Variants in HMCN2 observed in about 807,000 individuals in gnomAD.
HMCN2 encodes hemicentin 2.
In HMCN2, 325 loss-of-function variants were observed where a neutral mutation model predicts 377.5. The ratio of observed to expected loss-of-function variants is 0.86; its 90% CI spans 0.79 to 0.94. The LOEUF (loss-of-function observed/expected upper bound fraction) is 0.94, where lower values mean the gene tolerates loss of function less well. Ranked by LOEUF, HMCN2 falls within the 40% of genes least tolerant of loss-of-function variation. The probability of loss-of-function intolerance (pLI) is 0.00; values close to 1 mark genes in which losing one functional copy is unlikely to be tolerated. For missense variants in HMCN2, 4,543 were observed against 4,725.3 expected, an observed-to-expected ratio of 0.96 and a Z score of 1.13; for synonymous variants, 2,007 against 2,046.8, an observed-to-expected ratio of 0.98 and a Z score of 0.53.
intron 36 of HMCN2, 90 bp downstream of exon 36, chr9:130,358,576 G>A: frequency 8.2e-7 from 1 of 1,212,904 alleles, no homozygotes; most frequent in South Asian, 1.3e-5. Context: ...GCGAGGGAGG[G>A]GGAGGAGGTT....
chr9:130,411,882 A>ACAG (rs55636607), intron 85 of HMCN2, among the ~76,000 whole-genome samples: 30 of 29,454 alleles, frequency 1.0e-3, no homozygotes, highest in Non-Finnish European at 2.7e-3. Context: ...TGGAGATTGT[A>ACAG]CAATGTCAAA....
chr9:130,415,625 C>A (rs1331079043), intron 85 of HMCN2, among the ~76,000 whole-genome samples: 1 of 152,250 alleles, frequency 6.6e-6, no homozygotes, highest in Non-Finnish European at 1.5e-5. Flanking sequence ...AAAATCTCAG[C>A]AAAACGTGGC....
chr9:130,309,878 A>ACACC, intron 14 of HMCN2, 34 bp from the exon 15 acceptor site: 1 of 444,910 alleles, frequency 2.2e-6, no homozygotes, highest in South Asian at 1.7e-5. Flanking sequence ...GGTACCAGGG[A>ACACC]CACCGGCCTG....
In HMCN2 at chr9:130,395,952, G is replaced by A. The variant is rs552539752; in HGVS notation, c.10940G>A (p.Arg3647Gln). Residue 3647 changes from arginine (R) to glutamine (Q), a missense_variant, in exon 72 of 98, where the codon CGG becomes CAG. By Grantham distance (43) the Arg-to-Gln change is conservative. Coordinates refer to ENST00000683500, the MANE Select transcript of HMCN2 (RefSeq NM_001291815.2). ...GACGCCCACACACAATTCCCGGAGCGGGGCAGGTTCCTCCAGCTGCAGGCC... is the reference window on the plus strand; with the variant it reads ...GACGCCCACACACAATTCCCGGAGCAGGGCAGGTTCCTCCAGCTGCAGGCC... ...QEDAHTQFPERGRFLQLQALS... is the reference protein window; with the variant it reads ...QEDAHTQFPEQGRFLQLQALS... The A allele has an allele frequency of 7.8e-6, 10 of 1,287,532 alleles. No homozygotes were observed. The highest frequency in any genetic ancestry group is 6.9e-5 in the Admixed American group (3 of 43,544). 79.8% of individuals were successfully genotyped at this position (1,287,532 alleles called of 1,614,324 possible).
rs1342454600 is a variant in HMCN2, at chr9:130,433,429, G to GGGCGTGCGCGCCCACCAC, written c.14978_14995dup (p.Gly4993_His4998dup). On this transcript the variant is annotated inframe_insertion, in exon 98 of 98. Coordinates refer to ENST00000683500, the MANE Select transcript of HMCN2 (RefSeq NM_001291815.2). ...AGTACCGGCTGCTGCCGCTGCCCCT[G>GGGCGTGCGCGCCCACCAC]GGCGTGCGCGCCCACCACGACGTGG... 1.3e-6 allele frequency: 2 copies of GGGCGTGCGCGCCCACCAC among 1,493,534 alleles called. No homozygotes were observed. The highest frequency in any genetic ancestry group is 2.9e-5 in the African/African-American group (2 of 68,540). 92.5% of individuals were successfully genotyped at this position (1,493,534 alleles called of 1,614,324 possible).
In HMCN2 at chr9:130,413,740, T is replaced by G. The variant is rs1564871963; in HGVS notation, c.12961+3088T>G. Among the ~76,000 whole-genome samples the G allele has an allele frequency of 2.0e-5, 3 of 151,978 alleles. 1 individual carries two copies. The highest frequency in any genetic ancestry group is 7.3e-5 in the African/African-American group (3 of 41,360). On this transcript the variant is annotated intron_variant, in intron 85 of 97. Transcript: ENST00000683500. ...GGGCTCAGACACACGCATGTGCACG[T>G]GCGCACACACACGCACACACACACA...
chr9:130,347,285 G>A lies in HMCN2; in HGVS notation c.3949G>A (p.Asp1317Asn), dbSNP rs1477316845. Residue 1317 changes from aspartate to asparagine, a missense_variant, in exon 26 of 98, where the codon GAT becomes AAT. Physicochemically the swap from Asp to Asn is conservative, Grantham distance 23. Coordinates refer to ENST00000683500, the MANE Select transcript of HMCN2 (RefSeq NM_001291815.2). The surrounding 1 kb of genome is among the most constrained non-coding windows in gnomAD (Gnocchi z 5.1). ...SLFLASVSPA[D>N]SGDYECQATN... is the part of the protein sequence containing the mutation. ...GTTCCTGGCCTCCGTCTCACCTGCG[G>A]ATAGTGGAGACTACGAGTGCCAGGC... The A allele has an allele frequency of 6.6e-6, 1 of 152,256 alleles. No individual in the cohort carries two copies. The highest frequency in any genetic ancestry group is 2.4e-5 in the African/African-American group (1 of 41,440). 9.4% of individuals were successfully genotyped at this position (152,256 alleles called of 1,614,324 possible). A position where few individuals can be genotyped will look rare whatever the true frequency, so the allele number is the denominator to read the frequency against.
chr9:130,397,780 G>A (rs1842676522), intron 74 of HMCN2, 125 bp downstream of exon 74: 2 of 892,796 alleles, frequency 2.2e-6, no homozygotes, highest in Non-Finnish European at 1.5e-6. Flanking sequence ...TGACCATGAA[G>A]CCCATTAGTA....
chr9:130,401,731 A>G (rs1400806692), intron 77 of HMCN2, among the ~76,000 whole-genome samples: 3 of 152,234 alleles, frequency 2.0e-5, no homozygotes, highest in South Asian at 4.1e-4. Flanking sequence ...ACTAAAGTCT[A>G]GGAACCAGTG....
At chr9:130,407,778 A>G in intron 83 of HMCN2, 73 bp downstream of exon 83, 1 of 1,105,648 alleles carries the variant, frequency 9.0e-7, no homozygotes, top group Non-Finnish European at 1.1e-6. Context: ...TTGGTTTCCT[A>G]AGAACCCAGC....
At chr9:130,403,056 G>T in intron 78 of HMCN2, 138 bp from the exon 79 acceptor site, 1 of 1,047,830 alleles carries the variant, frequency 9.5e-7, no homozygotes, top group Non-Finnish European at 1.2e-6. Flanking sequence ...CAGCCATGGC[G>T]TCCTTGTTGC....
At position 130,340,629 on chromosome 9, in the gene HMCN2, C is replaced by T. The variant is rs1319881966; in HGVS notation, c.3488-482C>T. ...CCGCCTCCCGGGTTCAAGCAATTCTCGTGCTTCAGCCTCCGAGTAGTTGGG... is the reference window on the plus strand; with the variant it reads ...CCGCCTCCCGGGTTCAAGCAATTCTTGTGCTTCAGCCTCCGAGTAGTTGGG... On this transcript the variant is annotated intron_variant, in intron 23 of 97. Coordinates refer to ENST00000683500, the MANE Select transcript of HMCN2 (RefSeq NM_001291815.2). 5.9e-5 allele frequency among the ~76,000 whole-genome samples: 9 copies of T among 151,948 alleles called. No homozygotes were observed. In the South Asian group the frequency reaches 8.3e-4, roughly 14 times the overall value.
intron 22 of HMCN2, among the ~76,000 whole-genome samples, chr9:130,330,395 G>A (rs954883951): frequency 3.9e-5 from 6 of 152,200 alleles, no homozygotes; most frequent in African/African-American, 4.8e-5. Context: ...TCCTGCCAGC[G>A]CCCTGTAGGT....
At chr9:130,295,581 G>A (rs541856544) in intron 5 of HMCN2, 85 bp from the exon 6 acceptor site, 64 of 403,462 alleles carry the variant, frequency 1.6e-4, no homozygotes, top group African/African-American at 9.1e-4. Context: ...AGTGTTTGGT[G>A]TACTGTGGAT....
intron 23 of HMCN2, among the ~76,000 whole-genome samples, chr9:130,339,729 C>T (rs1454577959): frequency 6.6e-6 from 1 of 152,306 alleles, no homozygotes; most frequent in Admixed American, 6.5e-5. Flanking sequence ...GACAGATGGG[C>T]GGGGCATCCA....
intron 36 of HMCN2, 89 bp downstream of exon 36, chr9:130,358,575 G>A (rs1271319902): frequency 8.2e-7 from 1 of 1,216,046 alleles, no homozygotes; most frequent in Non-Finnish European, 1.1e-6. Flanking sequence ...GGCGAGGGAG[G>A]GGGAGGAGGT....
At position 130,304,974 on chromosome 9, in the gene HMCN2, A is replaced by G. The variant is rs1554936181; in HGVS notation, c.1788A>G (p.Thr596=). 2.1e-6 allele frequency: 1 copy of G among 471,000 alleles called. No individual in the cohort carries two copies. The highest frequency in any genetic ancestry group is 4.4e-6 in the Non-Finnish European group (1 of 226,960). 29.2% of individuals were successfully genotyped at this position (471,000 alleles called of 1,614,324 possible). A position where few individuals can be genotyped will look rare whatever the true frequency, so the allele number is the denominator to read the frequency against. The change falls in exon 11 of 98, where the codon ACA becomes ACG. Residue 596 remains threonine (T), a synonymous_variant. Coordinates refer to ENST00000683500, the MANE Select transcript of HMCN2 (RefSeq NM_001291815.2). The surrounding 1 kb of genome is among the most constrained non-coding windows in gnomAD (Gnocchi z 4.3). ...QCVASNANGV[T]RASVWLLVRE... is the part of the protein sequence containing the mutation. ...TGGCCAGCAATGCCAATGGGGTCACAAGGGCATCCGTCTGGCTCCTGGTGC... is the reference window on the plus strand; with the variant it reads ...TGGCCAGCAATGCCAATGGGGTCACGAGGGCATCCGTCTGGCTCCTGGTGC...
rs1837870379 is a variant in HMCN2 at position 130,321,858 on chromosome 9, C to T, written c.2847C>T (p.His949=). Residue 949 remains histidine, a synonymous_variant, in exon 19 of 98, where the codon CAC becomes CAT. Transcript: ENST00000683500. ...ACCTTGACCGAGCATTGCAGGAGCA[C>T]GCGGGGAGGTACAGCTGTGTGGCCA... ...SLHLDRALQE[H]AGRYSCVATN... 1 of 152,110 alleles carries T rather than the reference C, an allele frequency of 6.6e-6. No homozygotes were observed. The highest frequency in any genetic ancestry group is 1.9e-4 in the East Asian group (1 of 5,158). The allele number at this position is 152,110 out of a possible 1,614,324, so 9.4% of individuals were successfully genotyped here. A position where few individuals can be genotyped will look rare whatever the true frequency, so the allele number is the denominator to read the frequency against.
chr9:130,430,297 C>A lies in HMCN2; in HGVS notation c.14340C>A (p.Cys4780Ter). ...PSLPCLDVNE[C>*]LQLPKACAYQ... ...ACCCGTCTGCAGATGTCAATGAGTG[C>A]CTGCAGCTGCCCAAGGCCTGCGCCT... is the stretch of plus-strand genomic sequence containing the variant. Residue 4780 changes from cysteine (C) to a stop codon, truncating the protein, a stop_gained, in exon 95 of 98, where the codon TGC (cysteine) becomes TGA (stop). Transcript: ENST00000683500. LOFTEE classifies it high-confidence loss of function. 1 of 1,539,610 alleles carries A rather than the reference C, an allele frequency of 6.5e-7. No individual in the cohort carries two copies. Among genetic ancestry groups the A allele is most frequent in the Non-Finnish European group, 8.7e-7 (1 of 1,145,974 alleles).
Sources: gnomAD v4.1 joint callset for allele counts (sites outside exome capture counted in the v4.1 genomes callset) on GRCh38, gnomAD v4.1.1 for gene constraint, Gnocchi (gnomAD v3.1) non-coding constraint, MANE v1.5 for transcripts, NCBI Gene and HGNC (gene_info 2026-07-23, HGNC 2026-07-21) for gene names.